The following TCF7L2 variants were observed in gnomAD, a reference collection of about 807,000 sequenced individuals.
TCF7L2 encodes transcription factor 7 like 2, also known as transcription factor 7-like 2.
In TCF7L2, 23 loss-of-function variants were observed where a neutral mutation model predicts 77.9. The ratio of observed to expected loss-of-function variants is 0.30; its 90% CI spans 0.21 to 0.42. The LOEUF (loss-of-function observed/expected upper bound fraction) is 0.42, where lower values mean the gene tolerates loss of function less well. Among genes scored for constraint, TCF7L2 ranks in the 10% least tolerant of loss-of-function variants. The probability of loss-of-function intolerance (pLI) is 1.00; values close to 1 mark genes in which losing one functional copy is unlikely to be tolerated. For synonymous variants in TCF7L2, 413 were observed against 340.2 expected (o/e 1.21, Z -2.36); for missense variants, 654 against 793.1 (o/e 0.82, Z 2.11).
At position 113,146,916 on chromosome 10, in the gene TCF7L2, G is replaced by A. The variant is rs1233754077; in HGVS notation, c.875+819G>A. On this transcript the variant is annotated intron_variant, in intron 8 of 13. Transcript: ENST00000627217. ...CTTTGAAAGTTAAAAAAAAACATGTGTGTGTGTGCTGTACATTCATATATA... is the reference window on the plus strand; with the variant it reads ...CTTTGAAAGTTAAAAAAAAACATGTATGTGTGTGCTGTACATTCATATATA... 5.3e-5 allele frequency among the ~76,000 whole-genome samples: 8 copies of A among 152,156 alleles called. No individual in the cohort carries two copies. In the East Asian group the frequency reaches 7.7e-4, roughly 15 times the overall value.
intron 8 of TCF7L2, among the ~76,000 whole-genome samples, chr10:113,148,334 G>A (rs534488937): frequency 8.5e-5 from 13 of 152,238 alleles, no homozygotes; most frequent in African/African-American, 2.4e-4. Flanking sequence ...CAAAGGGAGC[G>A]AGATCATGTA....
intron 5 of TCF7L2, among the ~76,000 whole-genome samples, chr10:113,103,889 C>G (rs989210165): frequency 1.3e-5 from 2 of 152,128 alleles, no homozygotes; most frequent in African/African-American, 4.8e-5. Context: ...CAGGAGCAAG[C>G]CAGGCCTTTT....
intron 4 of TCF7L2, among the ~76,000 whole-genome samples, chr10:113,026,076 G>A (rs1590664392): frequency 6.6e-6 from 1 of 151,136 alleles, no homozygotes; most frequent in South Asian, 2.1e-4. Flanking sequence ...ATGGTGTTTC[G>A]CCACGTTGGC....
intron 5 of TCF7L2, among the ~76,000 whole-genome samples, chr10:113,115,549 G>T (rs1368767684): frequency 1.3e-5 from 2 of 152,098 alleles, no homozygotes; most frequent in African/African-American, 4.8e-5. Flanking sequence ...TCCCATCCAA[G>T]TAGAATTTTG....
At chr10:113,092,985 G>A (rs1023391611) in intron 5 of TCF7L2, among the ~76,000 whole-genome samples, 1 of 152,180 alleles carries the variant, frequency 6.6e-6, no homozygotes, top group Admixed American at 6.5e-5. Flanking sequence ...GTGACTGGTC[G>A]TCAGAACTAA....
intron 4 of TCF7L2, among the ~76,000 whole-genome samples, chr10:112,966,209 T>TATATATATATATATATATATATATATATA (rs1305413204): frequency 5.0e-4 from 66 of 131,400 alleles, no homozygotes; most frequent in Non-Finnish European, 7.7e-4. Flanking sequence ...TATATATATA[T>TATATATATATATATATATATATATATATA]ATTTTCTTTT....
Position 113,028,927 on chromosome 10 carries a change from G to C in TCF7L2, c.451-11098G>C, listed in dbSNP as rs140883522. 3.0e-3 allele frequency among the ~76,000 whole-genome samples: 450 copies of C among 152,226 alleles called. 5 individuals carry two copies. The highest frequency in any genetic ancestry group is 0.017 in the Middle Eastern group (5 of 294). On this transcript the variant is annotated intron_variant, in intron 4 of 13. Coordinates refer to ENST00000627217, the MANE Select transcript of TCF7L2 (RefSeq NM_001146274.2). ...CTCTCAAAGGTCATTTGTTGGCTTCGTCTCTTAACAATTTCCATGGTAGAC... is the reference window on the plus strand; with the variant it reads ...CTCTCAAAGGTCATTTGTTGGCTTCCTCTCTTAACAATTTCCATGGTAGAC...
At chr10:113,144,520 C>G (rs1478676272) in intron 7 of TCF7L2, among the ~76,000 whole-genome samples, 1 of 152,156 alleles carries the variant, frequency 6.6e-6, no homozygotes, top group African/African-American at 2.4e-5. Flanking sequence ...GGGATTAGGG[C>G]ATGTTCTTGT....
At chr10:113,006,075 G>C (rs2045494834) in intron 4 of TCF7L2, among the ~76,000 whole-genome samples, 1 of 152,148 alleles carries the variant, frequency 6.6e-6, no homozygotes, top group South Asian at 2.1e-4. Context: ...GATTTGGGGA[G>C]AGTCAGGATA....
intron 5 of TCF7L2, among the ~76,000 whole-genome samples, chr10:113,045,393 C>T (rs963780580): frequency 2.6e-5 from 4 of 152,140 alleles, no homozygotes; most frequent in Admixed American, 1.3e-4. Flanking sequence ...CAGAGCACAC[C>T]GTCCTCTCAA....
chr10:113,036,251 C>T (rs2051227266), intron 4 of TCF7L2, among the ~76,000 whole-genome samples: 1 of 151,906 alleles, frequency 6.6e-6, no homozygotes, highest in South Asian at 2.1e-4. Context: ...CTTGGAGCAG[C>T]CCATCCTCAA....
At chr10:112,958,415 G>A (rs2134394862) in intron 3 of TCF7L2, among the ~76,000 whole-genome samples, 1 of 152,190 alleles carries the variant, frequency 6.6e-6, no homozygotes. Context: ...TCTGCCAGAA[G>A]AAGTAATGTT....
chr10:112,973,658 C>T lies in TCF7L2; in HGVS notation c.450+9034C>T, dbSNP rs565990564. Among the ~76,000 whole-genome samples the T allele has an allele frequency of 3.4e-3, 518 of 152,240 alleles. 3 individuals are homozygous for T. Among genetic ancestry groups the T allele is most frequent in the Admixed American group, 5.6e-3 (86 of 15,298 alleles). ...AGGCTGGAGTACAGTGGTGCCATCT[C>T]GGCTCACTGCAACCTCTGCCTCCTG... On this transcript the variant is annotated intron_variant, in intron 4 of 13. Coordinates refer to ENST00000627217, the MANE Select transcript of TCF7L2 (RefSeq NM_001146274.2).
rs1250365409 is a variant in TCF7L2 at position 113,135,294 on chromosome 10, C to T, written c.553-5890C>T. On this transcript the variant is annotated intron_variant, in intron 5 of 13. Transcript: ENST00000627217. The stretch of plus-strand genomic sequence containing the variant: ...TCAGCCACAGGGGCGCCTCCCCCTC[C>T]CCATTCCCCCCCACTGTAGTCGATG... Among the ~76,000 whole-genome samples, 3 of 152,174 alleles carry T rather than the reference C, an allele frequency of 2.0e-5. No individual in the cohort carries two copies. The East Asian group carries it at 5.8e-4, about 29-fold the overall frequency.
Position 113,047,462 on chromosome 10 carries a change from G to T in TCF7L2, c.552+7336G>T, listed in dbSNP as rs146685526. On this transcript the variant is annotated intron_variant, in intron 5 of 13. Transcript: ENST00000627217. ...CCCAGGTCCTCCACCTTCAAAACAGGCAAACGAAATCATTTCTTGAATAAT... is the reference window on the plus strand; with the variant it reads ...CCCAGGTCCTCCACCTTCAAAACAGTCAAACGAAATCATTTCTTGAATAAT... Among the ~76,000 whole-genome samples the T allele has an allele frequency of 2.8e-3, 424 of 152,128 alleles. 7 individuals carry two copies. The highest frequency in any genetic ancestry group is 8.9e-3 in the Admixed American group (136 of 15,262).
intron 3 of TCF7L2, among the ~76,000 whole-genome samples, chr10:112,953,653 C>T (rs1317798099): frequency 6.6e-6 from 1 of 152,200 alleles, no homozygotes; most frequent in Non-Finnish European, 1.5e-5. Flanking sequence ...TACTGGCAAT[C>T]TTGCCATCCC....
rs1468491779 is a variant in TCF7L2 at position 113,040,099 on chromosome 10, C to G, written c.525C>G (p.Ala175=). ...AGAGTAGACAAGCCCTCAAGGATGC[C>G]CGGTCCCCATCACCGGCACACATTG... Residue 175 remains alanine, a synonymous_variant, in exon 5 of 14, where the codon GCC becomes GCG. Transcript: ENST00000627217. The G allele has an allele frequency of 6.8e-6, 11 of 1,613,800 alleles. No homozygotes were observed. Among genetic ancestry groups the G allele is most frequent in the Non-Finnish European group, 8.5e-6 (10 of 1,179,914 alleles).
At chr10:113,125,348 C>T (rs1454581151) in intron 5 of TCF7L2, among the ~76,000 whole-genome samples, 1 of 151,746 alleles carries the variant, frequency 6.6e-6, no homozygotes, top group Non-Finnish European at 1.5e-5. Context: ...CTAGCCACCA[C>T]CATAACTAAA....
intron 4 of TCF7L2, among the ~76,000 whole-genome samples, chr10:112,985,417 C>G (rs747415476): frequency 6.7e-6 from 1 of 148,602 alleles, no homozygotes; most frequent in African/African-American, 2.4e-5. Context: ...TTTTAGTGAC[C>G]CCCTCCCCCA....
Sources: allele counts gnomAD v4.1 joint callset (sites outside exome capture counted in the v4.1 genomes callset), GRCh38; gene constraint gnomAD v4.1.1; transcripts MANE v1.5; gene names NCBI Gene and HGNC (gene_info 2026-07-23, HGNC 2026-07-21).